SPIRE2: variants seen among roughly 807,000 people sequenced by gnomAD.
SPIRE2 encodes spire type actin nucleation factor 2, also known as protein spire homolog 2.
SPIRE2 carries 76 observed loss-of-function variants against 80.7 expected under a neutral mutation model. That is an observed-to-expected ratio of 0.94 (90% CI 0.78 to 1.14). The LOEUF is 1.14. SPIRE2 is among the 50% of genes most tolerant of loss of function. SPIRE2 has a pLI of 0.00. For synonymous variants in SPIRE2, 535 were observed against 432.6 expected (o/e 1.24, Z -2.94); for missense variants, 1,196 against 1,015.3 (o/e 1.18, Z -2.42).
intron 7 of SPIRE2, 138 bp from the exon 8 acceptor site, chr16:89,858,200 T>A: frequency 1.0e-6 from 1 of 971,848 alleles, no homozygotes; most frequent in South Asian, 1.9e-5. Context: ...CCTCATTTTT[T>A]TAAATGGCTG....
At chr16:89,841,427 C>T (rs535878725) in intron 1 of SPIRE2, among the ~76,000 whole-genome samples, 1 of 152,212 alleles carries the variant, frequency 6.6e-6, no homozygotes, top group South Asian at 2.1e-4. Flanking sequence ...TTGCATAACC[C>T]CATGTGGCCA....
In SPIRE2 at chr16:89,850,584, A is replaced by AGGCC. The variant is rs2143805637; in HGVS notation, c.571_574dup (p.Val192GlyfsTer139). Reference sequence around the variant, plus strand: ...CCCCGGGGCGCACAGGCGCATTACCAGGCCGTGTGCCGCGCGCTCTTCGTG... The same window carrying AGGCC: ...CCCCGGGGCGCACAGGCGCATTACCAGGCCGGCCGTGTGCCGCGCGCTCTTCGTG... On this transcript the variant is annotated frameshift_variant, in exon 3 of 15. Coordinates refer to ENST00000378247, the MANE Select transcript of SPIRE2 (RefSeq NM_032451.2). LOFTEE classifies it high-confidence loss of function. The AGGCC allele has an allele frequency of 6.6e-7, 1 of 1,517,364 alleles. No individual in the cohort carries two copies. Among genetic ancestry groups the AGGCC allele is most frequent in the Non-Finnish European group, 8.8e-7 (1 of 1,137,706 alleles). The allele number at this position is 1,517,364 out of a possible 1,614,324, so 94.0% of individuals were successfully genotyped here. A position where few individuals can be genotyped will look rare whatever the true frequency, so the allele number is the denominator to read the frequency against.
chr16:89,869,706 A>T (rs766274497), intron 14 of SPIRE2, 24 bp downstream of exon 14: 1 of 1,575,194 alleles, frequency 6.3e-7, no homozygotes, highest in Non-Finnish European at 8.7e-7. Flanking sequence ...CTTGCTGCTG[A>T]TGTCACTGTG....
intron 6 of SPIRE2, 132 bp from the exon 7 acceptor site, chr16:89,855,981 G>T (rs995686765): frequency 6.9e-7 from 1 of 1,453,992 alleles, no homozygotes; most frequent in African/African-American, 1.4e-5. Flanking sequence ...GGGCCTGGCA[G>T]GCTCTTCCGA....
rs748080400 is a variant in SPIRE2, at chr16:89,863,578, A to G, written c.1678A>G (p.Lys560Glu). 2 of 1,614,126 alleles carry G rather than the reference A, an allele frequency of 1.2e-6. No individual in the cohort carries two copies. The highest frequency in any genetic ancestry group is 1.7e-6 in the Non-Finnish European group (2 of 1,180,036). ...KAEMEKFLQNKELFSSLKKGK... is the reference protein window; with the variant it reads ...KAEMEKFLQNEELFSSLKKGK... The stretch of plus-strand genomic sequence containing the variant: ...CGAGATGGAAAAGTTTTTGCAGAAC[A>G]AGGAGCTCTTCAGCAGTCTGAAGAA... Residue 560 changes from lysine (K) to glutamate (E), a missense_variant, in exon 11 of 15, where the codon AAG becomes GAG. Transcript: ENST00000378247. This position sits in a 1 kb window ranked among gnomAD's most constrained non-coding sequence, Gnocchi z 4.3.
chr16:89,849,723 G>A (rs941904260), intron 2 of SPIRE2: 14 of 237,218 alleles, frequency 5.9e-5, no homozygotes, highest in Non-Finnish European at 9.2e-5. Context: ...CAGAACCACT[G>A]GTGCCCTTCG....
chr16:89,859,244 G>A lies in SPIRE2; in HGVS notation c.1352G>A (p.Ser451Asn). 1 of 1,609,204 alleles carries A rather than the reference G, an allele frequency of 6.2e-7. No homozygotes were observed. Among genetic ancestry groups the A allele is most frequent in the African/African-American group, 1.3e-5 (1 of 74,898 alleles). ...FSEHDLAQLR[S>N]EVASGLQSAT... is the part of the protein sequence containing the mutation. ...GAGCATGACCTGGCCCAGCTCCGAAGTGAGGTGGCCTCTGGCCTGCAGTCG... is the reference window on the plus strand; with the variant it reads ...GAGCATGACCTGGCCCAGCTCCGAAATGAGGTGGCCTCTGGCCTGCAGTCG... The change falls in exon 9 of 15, where the codon AGT becomes AAT. Residue 451 changes from serine (S) to asparagine (N), a missense_variant. Coordinates refer to ENST00000378247, the MANE Select transcript of SPIRE2 (RefSeq NM_032451.2).
chr16:89,839,694 A>C (rs1266163061), intron 1 of SPIRE2, among the ~76,000 whole-genome samples: 1 of 152,150 alleles, frequency 6.6e-6, no homozygotes, highest in Non-Finnish European at 1.5e-5. Context: ...GGCCCAATGT[A>C]GCCAAATGCT....
chr16:89,863,964 G>C lies in SPIRE2; in HGVS notation c.1778+103G>C. The C allele has an allele frequency of 4.7e-6, 4 of 844,756 alleles. No individual in the cohort carries two copies. The highest frequency in any genetic ancestry group is 7.7e-6 in the Non-Finnish European group (4 of 522,576). The allele number at this position is 844,756 out of a possible 1,614,324, so 52.3% of individuals were successfully genotyped here. ...TTCCTGTGATTCCAGGAATGTTCTAGCATGTTCGATGGCTGATGAGTCCAC... is the reference window on the plus strand; with the variant it reads ...TTCCTGTGATTCCAGGAATGTTCTACCATGTTCGATGGCTGATGAGTCCAC... On this transcript the variant is annotated intron_variant, in intron 12 of 14. Coordinates refer to ENST00000378247, the MANE Select transcript of SPIRE2 (RefSeq NM_032451.2). This position sits in a 1 kb window ranked among gnomAD's most constrained non-coding sequence, Gnocchi z 4.3.
intron 6 of SPIRE2, 89 bp from the exon 7 acceptor site, chr16:89,856,024 C>A: frequency 6.4e-7 from 1 of 1,555,334 alleles, no homozygotes; most frequent in East Asian, 2.3e-5. Flanking sequence ...GGTCACTTCC[C>A]CACCACAGGT....
chr16:89,837,309 G>C (rs2041459784), intron 1 of SPIRE2, among the ~76,000 whole-genome samples: 1 of 152,202 alleles, frequency 6.6e-6, no homozygotes, highest in South Asian at 2.1e-4. Context: ...AGGGGGAAGA[G>C]TTGAGGTCTC....
In SPIRE2 at chr16:89,843,818, G is replaced by A. The variant is rs546811055; in HGVS notation, c.245-1504G>A. On this transcript the variant is annotated intron_variant, in intron 1 of 14. Coordinates refer to ENST00000378247, the MANE Select transcript of SPIRE2 (RefSeq NM_032451.2). Reference sequence around the variant, plus strand: ...AGGCTCAAGTGATCCTCCCACCTCAGTCTCCCGAGTAGCTAGGACTACATA... The same window carrying A: ...AGGCTCAAGTGATCCTCCCACCTCAATCTCCCGAGTAGCTAGGACTACATA... Among the ~76,000 whole-genome samples, 156 of 131,020 alleles carry A rather than the reference G, an allele frequency of 1.2e-3. 1 individual carries two copies. The highest frequency in any genetic ancestry group is 3.9e-3 in the African/African-American group (134 of 34,058). 86.0% of individuals were successfully genotyped at this position (131,020 alleles called of 152,430 possible).
chr16:89,844,238 C>T (rs2041535566), intron 1 of SPIRE2, among the ~76,000 whole-genome samples: 1 of 151,926 alleles, frequency 6.6e-6, no homozygotes, highest in African/African-American at 2.4e-5. Context: ...TTGGGTCAGC[C>T]TCCACCTGCA....
Position 89,845,958 on chromosome 16 carries a change from G to A in SPIRE2, c.288+593G>A, listed in dbSNP as rs575172521. On this transcript the variant is annotated intron_variant, in intron 2 of 14. Transcript: ENST00000378247. ...GTCGCCCAGGCTGGAGTGCAGTGGT[G>A]TGATCTCGGCTTACTGCAAGCTCCG... is the stretch of plus-strand genomic sequence containing the variant. 36 of 291,438 alleles carry A rather than the reference G, an allele frequency of 1.2e-4. No homozygotes were observed. In the South Asian group the frequency reaches 2.0e-3, roughly 16 times the overall value. 18.1% of individuals were successfully genotyped at this position (291,438 alleles called of 1,614,324 possible).
At chr16:89,870,020 T>C in intron 14 of SPIRE2, 30 bp from the exon 15 acceptor site, 2 of 1,591,448 alleles carry the variant, frequency 1.3e-6, no homozygotes, top group Admixed American at 3.4e-5. Flanking sequence ...GGCTGGCTCC[T>C]CTCCCTGAGT....
rs766837449 is a variant in SPIRE2, at chr16:89,850,596, G to T, written c.581G>T (p.Arg194Leu). Residue 194 changes from arginine to leucine, a missense_variant, in exon 3 of 15, where the codon CGC (arginine) becomes CTC (leucine). Arg to Leu is a moderately radical substitution (Grantham distance 102). Transcript: ENST00000378247. ...GAQAHYQAVC[R>L]ALFVETLELR... The stretch of plus-strand genomic sequence containing the variant: ...CAGGCGCATTACCAGGCCGTGTGCC[G>T]CGCGCTCTTCGTGGAGACGCTGGAG... The T allele has an allele frequency of 6.6e-7, 1 of 1,519,580 alleles. No homozygotes were observed. Among genetic ancestry groups the T allele is most frequent in the Non-Finnish European group, 8.8e-7 (1 of 1,139,196 alleles). 94.1% of individuals were successfully genotyped at this position (1,519,580 alleles called of 1,614,324 possible).
intron 14 of SPIRE2, 151 bp downstream of exon 14, chr16:89,869,833 C>A: frequency 1.4e-6 from 1 of 724,914 alleles, no homozygotes; most frequent in Non-Finnish European, 2.4e-6. Flanking sequence ...TTGTGTAGGG[C>A]TCTGGGAGGC....
chr16:89,867,345 A>G (rs994659932), intron 12 of SPIRE2, among the ~76,000 whole-genome samples: 3 of 151,866 alleles, frequency 2.0e-5, no homozygotes, highest in African/African-American at 4.8e-5. Flanking sequence ...GGGTTTCACC[A>G]TCTTGGCCAG....
chr16:89,830,908 C>G (rs1471439704), intron 1 of SPIRE2, among the ~76,000 whole-genome samples: 1 of 117,316 alleles, frequency 8.5e-6, no homozygotes, highest in Admixed American at 8.9e-5. Flanking sequence ...TGCTTAGAAT[C>G]TTTTTTTTTT....
Sources: gnomAD v4.1 joint callset for allele counts (sites outside exome capture counted in the v4.1 genomes callset) on GRCh38, gnomAD v4.1.1 for gene constraint, Gnocchi (gnomAD v3.1) non-coding constraint, MANE v1.5 for transcripts, NCBI Gene and HGNC (gene_info 2026-07-23, HGNC 2026-07-21) for gene names.